Variants in KIAA1328 observed in about 807,000 individuals in gnomAD.
The protein encoded by KIAA1328 is KIAA1328, also known as protein hinderin.
Under a neutral mutation model 68.1 loss-of-function variants are expected in KIAA1328, and 52 were observed. The observed-to-expected ratio is 0.76, with a 90% CI of 0.61 to 0.96. KIAA1328 has a LOEUF of 0.96. Among genes scored for constraint, KIAA1328 ranks in the 40% least tolerant of loss-of-function variants. The pLI, the probability that KIAA1328 is intolerant of heterozygous loss-of-function variation, is 0.00. For missense variants in KIAA1328, 641 were observed against 677.6 expected (o/e 0.95, Z 0.60); for synonymous variants, 232 against 239.4 (o/e 0.97, Z 0.28).
intron 6 of KIAA1328, among the ~76,000 whole-genome samples, chr18:36,961,317 GA>G (rs2151278678): frequency 6.6e-6 from 1 of 152,286 alleles, no homozygotes; most frequent in South Asian, 2.1e-4. Context: ...GGGAATATGT[GA>G]AAAGACCAAA....
chr18:36,971,610 C>G (rs2052216270), intron 6 of KIAA1328, among the ~76,000 whole-genome samples: 1 of 152,014 alleles, frequency 6.6e-6, no homozygotes, highest in African/African-American at 2.4e-5. Context: ...CCCTGGACGA[C>G]AAGAGTAAAA....
At chr18:36,969,392 C>G (rs939739241) in intron 6 of KIAA1328, among the ~76,000 whole-genome samples, 1 of 151,716 alleles carries the variant, frequency 6.6e-6, no homozygotes, top group African/African-American at 2.4e-5. Flanking sequence ...AACCACTAGG[C>G]AGACTAATAA....
intron 5 of KIAA1328, among the ~76,000 whole-genome samples, 192 bp from the exon 6 acceptor site, chr18:36,959,114 CTT>C: frequency 6.6e-6 from 1 of 152,066 alleles, no homozygotes; most frequent in Non-Finnish European, 1.5e-5. Flanking sequence ...TTGTTACTCT[CTT>C]TGTGAAGTAT....
chr18:37,114,914 G>A (rs557663935), intron 7 of KIAA1328, among the ~76,000 whole-genome samples: 2 of 152,266 alleles, frequency 1.3e-5, no homozygotes, highest in Middle Eastern at 3.4e-3. Flanking sequence ...AGAAAATCTA[G>A]AAGAAATGGA....
chr18:36,921,779 G>A (rs2049936024), intron 5 of KIAA1328, among the ~76,000 whole-genome samples: 1 of 152,120 alleles, frequency 6.6e-6, no homozygotes, highest in Non-Finnish European at 1.5e-5. Context: ...TTCACTATCA[G>A]AATCTTCCAA....
chr18:37,067,830 T>A (rs190390068), intron 7 of KIAA1328, among the ~76,000 whole-genome samples: 1 of 152,248 alleles, frequency 6.6e-6, no homozygotes, highest in East Asian at 1.9e-4. Flanking sequence ...AGTGTTGAGA[T>A]TACAGGCATG....
chr18:37,002,537 GTATAC>G (rs1384665519), intron 6 of KIAA1328, among the ~76,000 whole-genome samples: 1 of 151,524 alleles, frequency 6.6e-6, no homozygotes, highest in East Asian at 1.9e-4. Context: ...TAATGATCTA[GTATAC>G]TAGTATACTA....
intron 6 of KIAA1328, among the ~76,000 whole-genome samples, chr18:37,025,673 A>T (rs2054542560): frequency 6.6e-6 from 1 of 152,238 alleles, no homozygotes; most frequent in African/African-American, 2.4e-5. Flanking sequence ...CTTTGAAATT[A>T]ACGAGAACAA....
chr18:37,149,677 C>T (rs1307477588), intron 7 of KIAA1328, among the ~76,000 whole-genome samples: 1 of 152,052 alleles, frequency 6.6e-6, no homozygotes, highest in Non-Finnish European at 1.5e-5. Context: ...TCTTGTGGGA[C>T]CACTGTCATA....
chr18:37,090,202 G>A (rs1298486360), intron 7 of KIAA1328, among the ~76,000 whole-genome samples: 1 of 151,988 alleles, frequency 6.6e-6, no homozygotes, highest in African/African-American at 2.4e-5. Context: ...ATTTATTTTA[G>A]TCCCAAATTC....
Position 37,115,583 on chromosome 18 carries a change from C to T in KIAA1328, c.1233-44617C>T, listed in dbSNP as rs1413370199. Among the ~76,000 whole-genome samples, 6 of 152,324 alleles carry T rather than the reference C, an allele frequency of 3.9e-5. No homozygotes were observed. The East Asian group carries it at 9.6e-4, about 24-fold the overall frequency. ...ATACTGAATGGGCAAAAACTGGAAG[C>T]ATTCCCTTTGAAAACTGGCACAAGA... On this transcript the variant is annotated intron_variant, in intron 7 of 9. Coordinates refer to ENST00000280020, the MANE Select transcript of KIAA1328 (RefSeq NM_020776.3).
At chr18:37,065,391 A>G (rs993186822) in intron 6 of KIAA1328, among the ~76,000 whole-genome samples, 1 of 152,206 alleles carries the variant, frequency 6.6e-6, no homozygotes, top group East Asian at 1.9e-4. Flanking sequence ...CTGTATATCT[A>G]GAGTAAATAG....
Position 37,117,972 on chromosome 18 carries a change from C to T in KIAA1328, c.1233-42228C>T, listed in dbSNP as rs1010167121. ...ATAGTCCCCATCTCTGCAACTGGTC[C>T]CATGGCCATAACTGGTATGTATAAT... On this transcript the variant is annotated intron_variant, in intron 7 of 9. Coordinates refer to ENST00000280020, the MANE Select transcript of KIAA1328 (RefSeq NM_020776.3). Among the ~76,000 whole-genome samples, 6 of 150,298 alleles carry T rather than the reference C, an allele frequency of 4.0e-5. 1 individual carries two copies. The South Asian group carries it at 1.3e-3, about 32-fold the overall frequency.
Position 37,225,121 on chromosome 18 carries a change from T to C in KIAA1328, c.*2894T>C, listed in dbSNP as rs2060623954. ...CTTGTCCCTGCTTCCGGCACCAAGT[T>C]CATAATAGAGATCTTCTGGCCAGAG... On this transcript the variant is annotated 3_prime_UTR_variant, in exon 10 of 10. Coordinates refer to ENST00000280020, the MANE Select transcript of KIAA1328 (RefSeq NM_020776.3). 1.0e-6 allele frequency: 1 copy of C among 984,926 alleles called. No homozygotes were observed. Among genetic ancestry groups the C allele is most frequent in the Admixed American group, 6.2e-5 (1 of 16,172 alleles). 61.0% of individuals were successfully genotyped at this position (984,926 alleles called of 1,614,324 possible).
chr18:37,185,808 C>G (rs899232231), intron 9 of KIAA1328, among the ~76,000 whole-genome samples: 10 of 151,670 alleles, frequency 6.6e-5, no homozygotes, highest in African/African-American at 2.2e-4. Flanking sequence ...TGCCCTCCCC[C>G]CCAAAAAAAA....
intron 7 of KIAA1328, among the ~76,000 whole-genome samples, chr18:37,113,087 A>G (rs1263947827): frequency 6.6e-6 from 1 of 152,230 alleles, no homozygotes. Context: ...AATACTCTTC[A>G]GGATATCAAC....
intron 6 of KIAA1328, among the ~76,000 whole-genome samples, chr18:37,025,986 CAAAG>C (rs2054561355): frequency 6.6e-6 from 1 of 151,750 alleles, no homozygotes; most frequent in Non-Finnish European, 1.5e-5. Context: ...GCAAGACTAA[CAAAG>C]AAGAAAAGAG....
chr18:36,917,969 G>A (rs999680470), intron 5 of KIAA1328, among the ~76,000 whole-genome samples: 2 of 151,766 alleles, frequency 1.3e-5, no homozygotes, highest in Non-Finnish European at 2.9e-5. Flanking sequence ...AGACAGTTGT[G>A]TGTTTTTTTT....
intron 7 of KIAA1328, among the ~76,000 whole-genome samples, chr18:37,124,667 ATGT>A (rs1358243541): frequency 1.3e-5 from 2 of 152,160 alleles, no homozygotes; most frequent in Non-Finnish European, 2.9e-5. Flanking sequence ...AAGTCCATAC[ATGT>A]TGTGACTTTT....
Sources: allele counts gnomAD v4.1 joint callset (sites outside exome capture counted in the v4.1 genomes callset), GRCh38; gene constraint gnomAD v4.1.1; transcripts MANE v1.5; gene names NCBI Gene and HGNC (gene_info 2026-07-23, HGNC 2026-07-21).